TTC8: variants seen among roughly 807,000 people sequenced by gnomAD.
TTC8 encodes the protein tetratricopeptide repeat domain 8.
TTC8 carries 47 observed loss-of-function variants against 72.5 expected under a neutral mutation model. The observed-to-expected ratio is 0.65, with a 90% CI of 0.51 to 0.83. The LOEUF (loss-of-function observed/expected upper bound fraction) is 0.83, where lower values mean the gene tolerates loss of function less well. Among genes scored for constraint, TTC8 ranks in the 40% least tolerant of loss-of-function variants. The pLI, the probability that TTC8 is intolerant of heterozygous loss-of-function variation, is 0.00. For synonymous variants in TTC8, 199 were observed against 221.4 expected (o/e 0.90, Z 0.90); for missense variants, 611 against 623.2 (o/e 0.98, Z 0.21).
At chr14:88,840,001 G>T (rs935520687) in intron 3 of TTC8, among the ~76,000 whole-genome samples, 1 of 152,230 alleles carries the variant, frequency 6.6e-6, no homozygotes, top group Middle Eastern at 3.4e-3. Context: ...TTAAAAAAAG[G>T]TCGTTCGAAA....
At chr14:88,847,533 C>T (rs980413829) in intron 7 of TTC8, among the ~76,000 whole-genome samples, 2 of 152,064 alleles carry the variant, frequency 1.3e-5, no homozygotes, top group Admixed American at 6.5e-5. Flanking sequence ...TGAACAAAAT[C>T]GTTGACTCTT....
chr14:88,873,862 G>A (rs563461621), intron 13 of TTC8, among the ~76,000 whole-genome samples: 3 of 152,184 alleles, frequency 2.0e-5, no homozygotes, highest in East Asian at 3.8e-4. Flanking sequence ...AACTTTACCC[G>A]AGGTCACAGA....
At chr14:88,825,542 G>C (rs2094695494) in intron 1 of TTC8, among the ~76,000 whole-genome samples, 1 of 152,204 alleles carries the variant, frequency 6.6e-6, no homozygotes, top group Non-Finnish European at 1.5e-5. Flanking sequence ...TACAATGTAC[G>C]TGAGCGGTAC....
intron 2 of TTC8, among the ~76,000 whole-genome samples, chr14:88,838,446 C>G (rs1314194619): frequency 6.6e-6 from 1 of 152,168 alleles, no homozygotes; most frequent in Non-Finnish European, 1.5e-5. Flanking sequence ...CCTTGGCCTT[C>G]ACTGAGCCTG....
At chr14:88,874,959 A>T (rs879076640) in intron 13 of TTC8, 67 bp from the exon 14 acceptor site, 6 of 1,287,462 alleles carry the variant, frequency 4.7e-6, no homozygotes, top group Non-Finnish European at 6.5e-6. Context: ...CAAAAAAAAA[A>T]CACAAATATG....
intron 1 of TTC8, among the ~76,000 whole-genome samples, chr14:88,828,753 A>C (rs972975218): frequency 2.6e-5 from 4 of 152,200 alleles, no homozygotes; most frequent in Non-Finnish European, 5.9e-5. Flanking sequence ...GAGCTTCAAA[A>C]AGATAACATT....
chr14:88,824,720 A>C lies in TTC8; in HGVS notation c.13A>C (p.Met5Leu). MSSEMEPLLLAWSYF... is the reference protein window; with the variant it reads MSSELEPLLLAWSYF... ...CGCACCGGCAGCCATGAGCTCGGAG[A>C]TGGAGCCGCTGCTCCTGGCCTGGAG... is the stretch of plus-strand genomic sequence containing the variant. The change falls in exon 1 of 15, where the codon ATG becomes CTG. Residue 5 changes from methionine to leucine, a missense_variant. Transcript: ENST00000380656. The C allele has an allele frequency of 6.2e-7, 1 of 1,609,024 alleles. No homozygotes were observed. The highest frequency in any genetic ancestry group is 8.5e-7 in the Non-Finnish European group (1 of 1,178,114).
rs1304732743 is a variant in TTC8, at chr14:88,871,193, T to G, written c.1050-356T>G. Among the ~76,000 whole-genome samples the G allele has an allele frequency of 6.6e-6, 1 of 152,110 alleles. No homozygotes were observed. The highest frequency in any genetic ancestry group is 1.9e-4 in the East Asian group (1 of 5,194). ...AACGCAGTCCTCAAATTAGATTAGGTTTTAGGAATTTACCCTATGGGCAGC... is the reference window on the plus strand; with the variant it reads ...AACGCAGTCCTCAAATTAGATTAGGGTTTAGGAATTTACCCTATGGGCAGC... On this transcript the variant is annotated intron_variant, in intron 11 of 14. Coordinates refer to ENST00000380656, the MANE Select transcript of TTC8 (RefSeq NM_144596.4). This position sits in a 1 kb window ranked among gnomAD's most constrained non-coding sequence, Gnocchi z 4.1.
chr14:88,874,949 C>CAAAA, intron 13 of TTC8, 77 bp from the exon 14 acceptor site: 2 of 999,806 alleles, frequency 2.0e-6, no homozygotes, highest in Non-Finnish European at 2.9e-6. Context: ...ATTCTTTTAC[C>CAAAA]AAAAAAAAAA....
Position 88,824,672 on chromosome 14 carries a change from T to G in TTC8, c.-36T>G. 2.0e-6 allele frequency: 3 copies of G among 1,536,324 alleles called. No homozygotes were observed. Among genetic ancestry groups the G allele is most frequent in the Non-Finnish European group, 2.7e-6 (3 of 1,127,994 alleles). On this transcript the variant is annotated 5_prime_UTR_variant, in exon 1 of 15. Coordinates refer to ENST00000380656, the MANE Select transcript of TTC8 (RefSeq NM_144596.4). ...CTTCACTCCACGCCCACCTCTCTCC[T>G]GGAGCGCTGGGCCTTCGCTGGCCGC...
At chr14:88,853,947 T>C (rs2094845071) in intron 8 of TTC8, among the ~76,000 whole-genome samples, 2 of 152,280 alleles carry the variant, frequency 1.3e-5, no homozygotes, top group East Asian at 3.9e-4. Context: ...CACTTCAATA[T>C]TTATAAGCTT....
upstream of TTC8, chr14:88,824,593 C>G: frequency 1.3e-6 from 1 of 792,176 alleles, no homozygotes; most frequent in Non-Finnish European, 2.1e-6. Flanking sequence ...GGGCACCTCT[C>G]GGACAAGGCC....
At chr14:88,866,926 C>A (rs1411874311) in intron 10 of TTC8, among the ~76,000 whole-genome samples, 1 of 152,060 alleles carries the variant, frequency 6.6e-6, no homozygotes, top group African/African-American at 2.4e-5. Context: ...TGGCAGTTCA[C>A]TGAAAGAGAA....
intron 11 of TTC8, 144 bp downstream of exon 11, chr14:88,870,342 G>A (rs2094928767): frequency 2.1e-5 from 19 of 926,420 alleles, no homozygotes; most frequent in South Asian, 2.8e-5. Flanking sequence ...TATATAATGA[G>A]CATTGAAGTG....
chr14:88,849,747 G>A (rs2094825119), intron 7 of TTC8, among the ~76,000 whole-genome samples: 1 of 152,170 alleles, frequency 6.6e-6, no homozygotes, highest in South Asian at 2.1e-4. Flanking sequence ...AGAACGCCAT[G>A]CAGTGGTATT....
chr14:88,864,413 C>G (rs1185023612), intron 10 of TTC8, among the ~76,000 whole-genome samples: 1 of 152,186 alleles, frequency 6.6e-6, no homozygotes, highest in Non-Finnish European at 1.5e-5. Flanking sequence ...CCCTTGCCTT[C>G]TGCTCATTTC....
At chr14:88,872,563 C>G in intron 13 of TTC8, 111 bp downstream of exon 13, 1 of 1,484,486 alleles carries the variant, frequency 6.7e-7, no homozygotes. Context: ...TAGAATCTGA[C>G]AGGCGTGGAT....
rs577670348 is a variant in TTC8, at chr14:88,838,039, A to G, written c.145-1413A>G. Among the ~76,000 whole-genome samples, 143 of 152,350 alleles carry G rather than the reference A, an allele frequency of 9.4e-4. 1 individual carries two copies. The highest frequency in any genetic ancestry group is 3.0e-3 in the African/African-American group (126 of 41,592). On this transcript the variant is annotated intron_variant, in intron 2 of 14. Coordinates refer to ENST00000380656, the MANE Select transcript of TTC8 (RefSeq NM_144596.4). ...GAAAAGTGCAAGCCAAAAGCCAATC[A>G]TCTAACCAAATGTATTTTCACTTTG... is the stretch of plus-strand genomic sequence containing the variant.
chr14:88,846,474 C>A (rs932833085), intron 7 of TTC8: 3 of 535,352 alleles, frequency 5.6e-6, no homozygotes, highest in Non-Finnish European at 6.6e-6. Context: ...GTTTAAGGAA[C>A]AGTAAGAAGG....
Sources: allele counts gnomAD v4.1 joint callset (sites outside exome capture counted in the v4.1 genomes callset), GRCh38; gene constraint gnomAD v4.1.1; non-coding constraint Gnocchi (gnomAD v3.1); transcripts MANE v1.5; gene names NCBI Gene and HGNC (gene_info 2026-07-23, HGNC 2026-07-21).